DGKB: variants seen among roughly 807,000 people sequenced by gnomAD.
DGKB encodes diacylglycerol kinase beta, also known as 90 kDa diacylglycerol kinase.
A neutral mutation model predicts 114.3 loss-of-function variants in DGKB; 67 were observed. That is an observed-to-expected ratio of 0.59 (90% CI 0.48 to 0.72). DGKB has a LOEUF of 0.72. Among genes scored for constraint, DGKB ranks in the 30% least tolerant of loss-of-function variants. The pLI is 0.00. For missense variants in DGKB, 907 were observed against 975.2 expected (o/e 0.93, Z 0.93); for synonymous variants, 398 against 323.1 (o/e 1.23, Z -2.49).
chr7:14,813,721 T>C (rs890892131), intron 2 of DGKB, among the ~76,000 whole-genome samples: 1 of 152,168 alleles, frequency 6.6e-6, no homozygotes. Flanking sequence ...TTGTTTTATA[T>C]GTTTTGTGAT....
chr7:14,635,392 A>C (rs73053233), intron 13 of DGKB, among the ~76,000 whole-genome samples: 1 of 151,368 alleles, frequency 6.6e-6, no homozygotes, highest in Admixed American at 6.6e-5. Flanking sequence ...AAAACATATC[A>C]AAGATAGAAA....
chr7:14,244,864 C>G (rs1029529628), intron 23 of DGKB, among the ~76,000 whole-genome samples: 8 of 151,962 alleles, frequency 5.3e-5, no homozygotes, highest in Non-Finnish European at 1.0e-4. Flanking sequence ...ATTGGACTTT[C>G]TAGCCTCCAG....
chr7:14,170,134 C>CAAA (rs762339951), intron 25 of DGKB, among the ~76,000 whole-genome samples: 22 of 33,062 alleles, frequency 6.7e-4, no homozygotes, highest in Non-Finnish European at 1.0e-3. Flanking sequence ...AACTCCATCT[C>CAAA]AAAAAAAAAA....
At chr7:14,682,510 A>G (rs763183260) in intron 12 of DGKB, 43 bp downstream of exon 12, 6 of 1,313,072 alleles carry the variant, frequency 4.6e-6, no homozygotes, top group Non-Finnish European at 6.6e-6. Flanking sequence ...ACACGTCTTC[A>G]GTGTGGGTGA....
At chr7:14,729,244 T>C (rs997867348) in intron 5 of DGKB, among the ~76,000 whole-genome samples, 6 of 146,248 alleles carry the variant, frequency 4.1e-5, no homozygotes, top group Non-Finnish European at 7.5e-5. Context: ...CGCCTCAGCC[T>C]CCCGAGTAGC....
chr7:14,711,536 T>C (rs1827349524), intron 6 of DGKB, among the ~76,000 whole-genome samples: 1 of 152,110 alleles, frequency 6.6e-6, no homozygotes, highest in Admixed American at 6.6e-5. Context: ...GAAATAGGTA[T>C]AAATCTATAA....
intron 17 of DGKB, among the ~76,000 whole-genome samples, chr7:14,594,137 T>A (rs1802151043): frequency 6.6e-6 from 1 of 152,100 alleles, no homozygotes; most frequent in African/African-American, 2.4e-5. Flanking sequence ...TTTTTAACAC[T>A]GAAGAACACA....
intron 1 of DGKB, among the ~76,000 whole-genome samples, chr7:14,969,810 T>C (rs1479484167): frequency 1.3e-5 from 2 of 152,220 alleles, no homozygotes; most frequent in Non-Finnish European, 2.9e-5. Context: ...TGCAAAACTG[T>C]ATAACACATT....
intron 21 of DGKB, among the ~76,000 whole-genome samples, chr7:14,422,464 T>C (rs990862397): frequency 3.9e-5 from 6 of 152,102 alleles, no homozygotes; most frequent in Admixed American, 1.3e-4. Flanking sequence ...TAAACCCATG[T>C]ACATTTTATT....
At chr7:14,166,076 A>T (rs1784569054) in intron 25 of DGKB, among the ~76,000 whole-genome samples, 1 of 152,204 alleles carries the variant, frequency 6.6e-6, no homozygotes, top group South Asian at 2.1e-4. Flanking sequence ...ACCTAACCTC[A>T]TCCGTATAGT....
intron 23 of DGKB, among the ~76,000 whole-genome samples, chr7:14,218,124 A>G (rs1789300856): frequency 6.6e-6 from 1 of 152,134 alleles, no homozygotes; most frequent in African/African-American, 2.4e-5. Flanking sequence ...ATAACACTTA[A>G]GCCTTCAAAG....
chr7:14,534,148 G>A (rs1792039623), intron 20 of DGKB, among the ~76,000 whole-genome samples: 1 of 151,920 alleles, frequency 6.6e-6, no homozygotes. Context: ...AGTAAACTCT[G>A]ATAACAATAA....
At chr7:14,603,426 G>A (rs1355603781) in intron 17 of DGKB, among the ~76,000 whole-genome samples, 1 of 151,994 alleles carries the variant, frequency 6.6e-6, no homozygotes, top group East Asian at 1.9e-4. Context: ...TTCATAACAA[G>A]AGGCATATGT....
intron 1 of DGKB, among the ~76,000 whole-genome samples, chr7:14,968,781 C>A (rs1421219321): frequency 6.6e-6 from 1 of 152,130 alleles, no homozygotes; most frequent in Non-Finnish European, 1.5e-5. Context: ...TAGTACATGG[C>A]ATTCTTTATT....
At chr7:14,482,964 TG>T (rs1337816702) in intron 20 of DGKB, among the ~76,000 whole-genome samples, 1 of 152,100 alleles carries the variant, frequency 6.6e-6, no homozygotes, top group African/African-American at 2.4e-5. Flanking sequence ...TAATAATGCA[TG>T]GGAATTATTT....
chr7:14,941,015 C>G (rs1785542676), intron 1 of DGKB, among the ~76,000 whole-genome samples: 3 of 151,842 alleles, frequency 2.0e-5, no homozygotes, highest in East Asian at 3.9e-4. Flanking sequence ...ATTGAATTGT[C>G]AAAGTGTACA....
At chr7:14,676,993 T>C (rs544909401) in intron 12 of DGKB, among the ~76,000 whole-genome samples, 1 of 152,130 alleles carries the variant, frequency 6.6e-6, no homozygotes, top group East Asian at 1.9e-4. Context: ...CAGTGCCATA[T>C]GTAGGAAAAT....
intron 21 of DGKB, among the ~76,000 whole-genome samples, chr7:14,406,664 G>A (rs1748366183): frequency 6.6e-6 from 1 of 151,998 alleles, no homozygotes; most frequent in African/African-American, 2.4e-5. Flanking sequence ...TCTATCCCTA[G>A]GGATCTTGTA....
At chr7:14,925,814 T>A (rs1054666747) in intron 1 of DGKB, among the ~76,000 whole-genome samples, 1 of 152,162 alleles carries the variant, frequency 6.6e-6, no homozygotes, top group African/African-American at 2.4e-5. Flanking sequence ...TCAGTTTCTA[T>A]GTGATTTTCT....
Sources: gnomAD v4.1 joint callset for allele counts (sites outside exome capture counted in the v4.1 genomes callset) on GRCh38, gnomAD v4.1.1 for gene constraint, MANE v1.5 for transcripts, NCBI Gene and HGNC (gene_info 2026-07-23, HGNC 2026-07-21) for gene names.